Variants in TTL observed in about 807,000 individuals in gnomAD.
The protein encoded by TTL is tubulin tyrosine ligase.
A neutral mutation model predicts 41.1 loss-of-function variants in TTL; 10 were observed. That is an observed-to-expected ratio of 0.24 (90% confidence interval 0.15 to 0.41). The LOEUF (loss-of-function observed/expected upper bound fraction) is 0.41, where lower values mean the gene tolerates loss of function less well. Among genes scored for constraint, TTL ranks in the 10% least tolerant of loss-of-function variants. The pLI is 1.00. For synonymous variants in TTL, 175 were observed against 175.5 expected, an observed-to-expected ratio of 1.00 and a Z score of 0.02; for missense variants, 367 against 460.4, an observed-to-expected ratio of 0.80 and a Z score of 1.86.
In TTL at chr2:112,528,553, A is replaced by G. The variant is rs1272962394; in HGVS notation, c.1020-128A>G. 15 of 715,428 alleles carry G rather than the reference A, an allele frequency of 2.1e-5. No individual in the cohort carries two copies. The Admixed American group carries it at 2.3e-4, about 11-fold the overall frequency. The allele number at this position is 715,428 out of a possible 1,614,324, so 44.3% of individuals were successfully genotyped here. A position where few individuals can be genotyped will look rare whatever the true frequency, so the allele number is the denominator to read the frequency against. On this transcript the variant is annotated intron_variant, in intron 6 of 6. Transcript: ENST00000233336. ...AATTTGAGGCTGCAGTGTATGTACC[A>G]TGATCGCACCACTGCATGCCAACTT...
chr2:112,487,470 G>A (rs1012526673), intron 2 of TTL, among the ~76,000 whole-genome samples: 1 of 152,116 alleles, frequency 6.6e-6, no homozygotes, highest in African/African-American at 2.4e-5. Context: ...CTTCTGCTAC[G>A]ATTTTTCCCC....
chr2:112,532,139 AGT>A lies in TTL; in HGVS notation c.*3349_*3350del. On this transcript the variant is annotated 3_prime_UTR_variant, in exon 7 of 7. Transcript: ENST00000233336. ...AAATGTACTGTGATCGAAGTGACAA[AGT>A]GTGTTTTCATTCACAGTGGAGGCTA... 1 of 227,108 alleles carries A rather than the reference AGT, an allele frequency of 4.4e-6. No individual in the cohort carries two copies. The highest frequency in any genetic ancestry group is 8.7e-6 in the Non-Finnish European group (1 of 114,342). The allele number at this position is 227,108 out of a possible 1,614,324, so 14.1% of individuals were successfully genotyped here. A position where few individuals can be genotyped will look rare whatever the true frequency, so the allele number is the denominator to read the frequency against.
intron 3 of TTL, among the ~76,000 whole-genome samples, chr2:112,496,800 T>G (rs1474543630): frequency 6.7e-6 from 1 of 149,716 alleles, no homozygotes; most frequent in Non-Finnish European, 1.5e-5. Flanking sequence ...CTCGACTTCC[T>G]GGGCTCAAGC....
At chr2:112,520,570 A>C (rs1337352681) in intron 6 of TTL, 145 bp downstream of exon 6, 7 of 1,149,202 alleles carry the variant, frequency 6.1e-6, no homozygotes, top group East Asian at 5.2e-5. Context: ...TCTATCTGGC[A>C]GGGGGCTTTG....
chr2:112,520,047 T>C (rs968644817), intron 5 of TTL, among the ~76,000 whole-genome samples: 1 of 150,902 alleles, frequency 6.6e-6, no homozygotes, highest in African/African-American at 2.4e-5. Context: ...GGAGAATCTC[T>C]TGAACCCAGG....
chr2:112,528,688 T>A lies in TTL; in HGVS notation c.1027T>A (p.Tyr343Asn). 1 of 1,613,054 alleles carries A rather than the reference T, an allele frequency of 6.2e-7. No homozygotes were observed. Among genetic ancestry groups the A allele is most frequent in the East Asian group, 2.2e-5 (1 of 44,876 alleles). The change falls in exon 7 of 7, where the codon TAT (tyrosine) becomes AAT (asparagine). Residue 343 changes from tyrosine (Y) to asparagine (N), a missense_variant. Tyr to Asn is a moderately radical substitution (Grantham distance 143, BLOSUM62 -2). Transcript: ENST00000233336. ...NGAPACAQKLYAELCQGIVDI... is the reference protein window; with the variant it reads ...NGAPACAQKLNAELCQGIVDI... ...TTTAAAAACACATTTCAGGAAGCTC[T>A]ATGCAGAACTGTGCCAAGGCATCGT... is the stretch of plus-strand genomic sequence containing the variant.
intron 2 of TTL, among the ~76,000 whole-genome samples, chr2:112,493,772 A>T (rs1388353308): frequency 1.3e-5 from 2 of 152,028 alleles, no homozygotes; most frequent in Non-Finnish European, 2.9e-5. Flanking sequence ...TGCTACTTAA[A>T]TTTTCCTCTC....
At chr2:112,493,689 A>G (rs1478284139) in intron 2 of TTL, among the ~76,000 whole-genome samples, 2 of 152,244 alleles carry the variant, frequency 1.3e-5, no homozygotes, top group African/African-American at 4.8e-5. Flanking sequence ...CAAGAGCTTT[A>G]AAAAGTCTTT....
chr2:112,484,824 T>C (rs1681196055), intron 1 of TTL, among the ~76,000 whole-genome samples: 2 of 152,224 alleles, frequency 1.3e-5, no homozygotes. Context: ...TTGATTTGAC[T>C]GTATGCCATT....
At chr2:112,518,193 G>T (rs1277476542) in intron 5 of TTL, among the ~76,000 whole-genome samples, 4 of 149,972 alleles carry the variant, frequency 2.7e-5, no homozygotes, top group Non-Finnish European at 3.0e-5. Flanking sequence ...TGGTCTGGCT[G>T]GTCTCAAACT....
intron 3 of TTL, among the ~76,000 whole-genome samples, chr2:112,497,277 G>A (rs1267617306): frequency 1.3e-5 from 2 of 151,894 alleles, no homozygotes; most frequent in South Asian, 2.1e-4. Context: ...CAAGCCTCCC[G>A]AAGTGCTGGG....
At chr2:112,503,603 T>C (rs1485137851) in intron 5 of TTL, among the ~76,000 whole-genome samples, 1 of 149,312 alleles carries the variant, frequency 6.7e-6, no homozygotes, top group Non-Finnish European at 1.5e-5. Flanking sequence ...TGGGCTAATT[T>C]TGTACTTTTA....
rs1682550566 is a variant in TTL at position 112,533,727 on chromosome 2, A to G, written c.*4932A>G. 6.6e-6 allele frequency: 1 copy of G among 152,222 alleles called. No homozygotes were observed. Among genetic ancestry groups the G allele is most frequent in the Non-Finnish European group, 1.5e-5 (1 of 68,054 alleles). 9.4% of individuals were successfully genotyped at this position (152,222 alleles called of 1,614,324 possible). ...ATCATTAATTTATTCATGAGGGTAG[A>G]GCTCTCGTGACCTAACCTCTTACAG... On this transcript the variant is annotated 3_prime_UTR_variant, in exon 7 of 7. Transcript: ENST00000233336.
At chr2:112,497,451 A>G (rs1282711964) in intron 3 of TTL, among the ~76,000 whole-genome samples, 1 of 152,220 alleles carries the variant, frequency 6.6e-6, no homozygotes, top group Non-Finnish European at 1.5e-5. Flanking sequence ...GTGAGCTAAC[A>G]GGGAGCAGTT....
rs1682515868 is a variant in TTL at position 112,531,790 on chromosome 2, C to T, written c.*2995C>T. The T allele has an allele frequency of 4.5e-6, 1 of 224,310 alleles. No individual in the cohort carries two copies. The highest frequency in any genetic ancestry group is 2.2e-5 in the African/African-American group (1 of 44,902). The allele number at this position is 224,310 out of a possible 1,614,324, so 13.9% of individuals were successfully genotyped here. ...AGCAGGTGTTGTCTAAGCAGTTTCT[C>T]TGTTTGCTTGTCATAGCAGCATTTG... On this transcript the variant is annotated 3_prime_UTR_variant, in exon 7 of 7. Coordinates refer to ENST00000233336, the MANE Select transcript of TTL (RefSeq NM_153712.5).
chr2:112,500,085 T>C (rs1408347723), intron 3 of TTL, among the ~76,000 whole-genome samples: 1 of 152,172 alleles, frequency 6.6e-6, no homozygotes, highest in African/African-American at 2.4e-5. Context: ...CTTGAAAACT[T>C]TGTGCTAAGT....
In TTL at chr2:112,534,338, AAAAAAAAG is replaced by A. The variant is rs1682562439; in HGVS notation, c.*5544_*5551del. The stretch of plus-strand genomic sequence containing the variant: ...GACTCTGTCTCAAAAAAAAAAAAAA[AAAAAAAAG>A]GAAAGGGTTGCATCTGGGTAAGAAA... On this transcript the variant is annotated 3_prime_UTR_variant, in exon 7 of 7. Coordinates refer to ENST00000233336, the MANE Select transcript of TTL (RefSeq NM_153712.5). 6.6e-6 allele frequency: 1 copy of A among 151,900 alleles called. No homozygotes were observed. The highest frequency in any genetic ancestry group is 2.4e-5 in the African/African-American group (1 of 41,326). The allele number at this position is 151,900 out of a possible 1,614,324, so 9.4% of individuals were successfully genotyped here. A position where few individuals can be genotyped will look rare whatever the true frequency, so the allele number is the denominator to read the frequency against.
chr2:112,532,461 C>T lies in TTL; in HGVS notation c.*3666C>T, dbSNP rs1259434353. ...AGGTATTGACTGTCCTGGGATATCA[C>T]TGGTCATTTAAATTCACCATATAAT... is the stretch of plus-strand genomic sequence containing the variant. On this transcript the variant is annotated 3_prime_UTR_variant, in exon 7 of 7. Coordinates refer to ENST00000233336, the MANE Select transcript of TTL (RefSeq NM_153712.5). The T allele has an allele frequency of 4.5e-6, 1 of 220,552 alleles. No individual in the cohort carries two copies. The highest frequency in any genetic ancestry group is 2.2e-5 in the African/African-American group (1 of 44,592). 13.7% of individuals were successfully genotyped at this position (220,552 alleles called of 1,614,324 possible).
intron 2 of TTL, among the ~76,000 whole-genome samples, chr2:112,492,143 T>C (rs965272181): frequency 3.9e-5 from 6 of 152,208 alleles, no homozygotes; most frequent in African/African-American, 9.7e-5. Context: ...AGAATAGCGA[T>C]GTGTTTGTGT....
Sources: allele counts gnomAD v4.1 joint callset (sites outside exome capture counted in the v4.1 genomes callset), GRCh38; gene constraint gnomAD v4.1.1; transcripts MANE v1.5; gene names NCBI Gene and HGNC (gene_info 2026-07-23, HGNC 2026-07-21).